The following DACT2 variants were observed in gnomAD, a reference collection of about 807,000 sequenced individuals.
The protein encoded by DACT2 is dishevelled binding antagonist of beta catenin 2, also known as dapper homolog 2.
A neutral mutation model predicts 22.2 loss-of-function variants in DACT2; 20 were observed. The ratio of observed to expected loss-of-function variants is 0.90; its 90% CI spans 0.63 to 1.31. The LOEUF is 1.31. DACT2 is among the 50% of genes most tolerant of loss of function. DACT2 has a pLI of 0.00. For missense variants in DACT2, 1,048 were observed against 1,061.4 expected (o/e 0.99, Z 0.18); for synonymous variants, 463 against 479.8 (o/e 0.96, Z 0.46).
chr6:168,308,926 G>C lies in DACT2; in HGVS notation c.831C>G (p.Ser277Arg). Residue 277 changes from serine (S) to arginine (R), a missense_variant, in exon 4 of 4, where the codon AGC (serine) becomes AGG (arginine). Physicochemically the swap from Ser to Arg is moderately radical, Grantham distance 110 (BLOSUM62 -1). Coordinates refer to ENST00000366795, the MANE Select transcript of DACT2 (RefSeq NM_214462.5). ...TCTGTAGAGCCACGGCGTGCAGGGG[G>C]CTGGGGTACGGGTACACCTCCCTGC... ...QGGREVYPYPSPLHAVALQSP... is the reference protein window; with the variant it reads ...QGGREVYPYPRPLHAVALQSP... The C allele has an allele frequency of 6.4e-7, 1 of 1,550,440 alleles. No individual in the cohort carries two copies. Among genetic ancestry groups the C allele is most frequent in the East Asian group, 2.4e-5 (1 of 40,904 alleles).
At chr6:168,304,914 C>T (rs917415875), downstream of DACT2, among the ~76,000 whole-genome samples, 6 of 152,184 alleles carry the variant, frequency 3.9e-5, 1 homozygote, top group East Asian at 3.9e-4. Flanking sequence ...TCCGAGGACC[C>T]CCATGGAATC....
At chr6:168,294,278 G>T (rs60418139) in intron 4 of DACT2, 1 of 702,092 alleles carries the variant, frequency 1.4e-6, no homozygotes, top group Admixed American at 2.0e-5. Flanking sequence ...AATGCTTGCC[G>T]TTTCACTGGG....
chr6:168,296,040 A>G (rs1779002223), intron 3 of DACT2, among the ~76,000 whole-genome samples: 1 of 150,262 alleles, frequency 6.7e-6, no homozygotes, highest in Non-Finnish European at 1.5e-5. Flanking sequence ...TCACGGAAAG[A>G]GCAGATCCAT....
rs774751440 is a variant in DACT2 at position 168,310,526 on chromosome 6, G to A, written c.380-80C>T. The A allele has an allele frequency of 4.1e-5, 61 of 1,497,048 alleles. 3 individuals are homozygous for A. In the South Asian group the frequency reaches 8.1e-4, roughly 20 times the overall value. The allele number at this position is 1,497,048 out of a possible 1,614,324, so 92.7% of individuals were successfully genotyped here. On this transcript the variant is annotated intron_variant, in intron 2 of 3. Coordinates refer to ENST00000366795, the MANE Select transcript of DACT2 (RefSeq NM_214462.5). ...CCCCTCTCCTCCTGAGCTTGTCACGGCACAGGTGGGCCCAGGGGAACCCCT... is the reference window on the plus strand; with the variant it reads ...CCCCTCTCCTCCTGAGCTTGTCACGACACAGGTGGGCCCAGGGGAACCCCT...
chr6:168,319,109 G>A (rs1296606461), intron 1 of DACT2, among the ~76,000 whole-genome samples: 1 of 152,176 alleles, frequency 6.6e-6, no homozygotes, highest in Non-Finnish European at 1.5e-5. Context: ...GCTTCGGGAT[G>A]CTGGCGTGGG....
intron 3 of DACT2, among the ~76,000 whole-genome samples, chr6:168,309,458 A>AGGGTGCGGGGCCGTTTGCGTGTAGACACG: frequency 6.6e-6 from 1 of 152,116 alleles, no homozygotes; most frequent in Admixed American, 6.5e-5. Flanking sequence ...GTGTAGACAC[A>AGGGTGCGGGGCCGTTTGCGTGTAGACACG]GGGTGCGGGG....
chr6:168,308,705 T>G lies in DACT2; in HGVS notation c.1052A>C (p.Glu351Ala), dbSNP rs6925614. 6.5e-7 allele frequency: 1 copy of G among 1,548,404 alleles called. No individual in the cohort carries two copies. The highest frequency in any genetic ancestry group is 1.4e-5 in the African/African-American group (1 of 73,100). The change falls in exon 4 of 4, where the codon GAG becomes GCG. Residue 351 changes from glutamate (E) to alanine (A), a missense_variant. Coordinates refer to ENST00000366795, the MANE Select transcript of DACT2 (RefSeq NM_214462.5). ...WGRETPAKGSEGEQGPLRHAA... is the reference protein window; with the variant it reads ...WGRETPAKGSAGEQGPLRHAA... ...ATGCCTTAGAGGTCCCTGTTCTCCC[T>G]CGCTACCCTTTGCTGGGGTCTCCCG...
Position 168,308,931 on chromosome 6 carries a change from G to A in DACT2, c.826C>T (p.Pro276Ser). 1 of 1,550,310 alleles carries A rather than the reference G, an allele frequency of 6.5e-7. No homozygotes were observed. Among genetic ancestry groups the A allele is most frequent in the Non-Finnish European group, 8.7e-7 (1 of 1,146,958 alleles). Residue 276 changes from proline (P) to serine (S), a missense_variant, in exon 4 of 4, where the codon CCC becomes TCC. Transcript: ENST00000366795. Reference sequence around the variant, plus strand: ...AGAGCCACGGCGTGCAGGGGGCTGGGGTACGGGTACACCTCCCTGCCGCCC... The same window carrying A: ...AGAGCCACGGCGTGCAGGGGGCTGGAGTACGGGTACACCTCCCTGCCGCCC... ...SQGGREVYPY[P>S]SPLHAVALQS... is the part of the protein sequence containing the mutation.
chr6:168,294,602 T>TATATATATACAC (rs768380927), intron 4 of DACT2: 1 of 811,922 alleles, frequency 1.2e-6, no homozygotes, highest in African/African-American at 2.6e-5. Context: ...TATATATATA[T>TATATATATACAC]ACACATATAA....
chr6:168,297,913 G>A (rs532250118), intron 3 of DACT2, among the ~76,000 whole-genome samples: 49 of 152,356 alleles, frequency 3.2e-4, no homozygotes, highest in African/African-American at 9.9e-4. Flanking sequence ...GGGTGGGTCC[G>A]TGTCCCAGCC....
chr6:168,299,122 A>G (rs898496679), intron 3 of DACT2: 14 of 152,180 alleles, frequency 9.2e-5, no homozygotes, highest in African/African-American at 3.4e-4. Context: ...TCCTTTAATA[A>G]ATTACTATTT....
rs1779602467 is a variant in DACT2, at chr6:168,319,713, CG to C, written c.-81del. On this transcript the variant is annotated 5_prime_UTR_variant, in exon 1 of 4. Transcript: ENST00000366795. The stretch of plus-strand genomic sequence containing the variant: ...CGCGCGCGGATCCCGAGCTGTGTCG[CG>C]GGTCCTCCTGCGCCTCCTCTCTCCG... 1.7e-6 allele frequency: 2 copies of C among 1,185,382 alleles called. No homozygotes were observed. The highest frequency in any genetic ancestry group is 4.5e-5 in the Admixed American group (1 of 22,014). 73.4% of individuals were successfully genotyped at this position (1,185,382 alleles called of 1,614,324 possible). A position where few individuals can be genotyped will look rare whatever the true frequency, so the allele number is the denominator to read the frequency against.
At chr6:168,309,240 G>A (rs1298042881) in intron 3 of DACT2, 142 bp from the exon 4 acceptor site, 58 of 1,331,020 alleles carry the variant, frequency 4.4e-5, no homozygotes, top group Non-Finnish European at 5.3e-5. Context: ...GGGAGACGGC[G>A]ACTCACAGTC....
chr6:168,308,127 C>T lies in DACT2; in HGVS notation c.1630G>A (p.Gly544Ser). 2 of 1,548,560 alleles carry T rather than the reference C, an allele frequency of 1.3e-6. No individual in the cohort carries two copies. Among genetic ancestry groups the T allele is most frequent in the Non-Finnish European group, 1.7e-6 (2 of 1,145,570 alleles). The change falls in exon 4 of 4, where the codon GGC becomes AGC. Residue 544 changes from glycine to serine, a missense_variant. Physicochemically the swap from Gly to Ser is moderately conservative, Grantham distance 56. Coordinates refer to ENST00000366795, the MANE Select transcript of DACT2 (RefSeq NM_214462.5). ...WDPAHWPTGR[G>S]GLQRRPALAW... ...AGGGCTGGCCTCCGCTGGAGCCCGC[C>T]CCTCCCTGTGGGCCAGTGGGCAGGG...
At chr6:168,311,342 G>A (rs556785310) in intron 1 of DACT2, 58 bp from the exon 2 acceptor site, 11 of 1,470,750 alleles carry the variant, frequency 7.5e-6, no homozygotes, top group African/African-American at 1.4e-5. Context: ...AAAACTTAAG[G>A]CTCAAAGGGG....
downstream of DACT2, among the ~76,000 whole-genome samples, chr6:168,303,694 AT>A (rs1294279683): frequency 6.6e-6 from 1 of 152,200 alleles, no homozygotes; most frequent in Non-Finnish European, 1.5e-5. Context: ...ACAGGCTTTA[AT>A]TATTCTACAA....
chr6:168,305,606 C>T (rs58175134), downstream of DACT2, among the ~76,000 whole-genome samples: 6,367 of 133,974 alleles, frequency 0.048, 184 homozygotes, highest in East Asian at 0.13. Context: ...GTCTTCAGCC[C>T]GGTAGCTACA....
chr6:168,311,594 A>ACACACACACACACAAACACACACACC (rs1332323296), intron 1 of DACT2, among the ~76,000 whole-genome samples: 1 of 65,564 alleles, frequency 1.5e-5, no homozygotes, highest in Non-Finnish European at 3.1e-5. Context: ...CCACACACAC[A>ACACACACACACACAAACACACACACC]CATACACACA....
chr6:168,310,111 A>G, intron 3 of DACT2, 57 bp downstream of exon 3: 1 of 1,538,338 alleles, frequency 6.5e-7, no homozygotes, highest in South Asian at 1.2e-5. Context: ...TGGGGACTGC[A>G]CTCTGCCATC....
Sources: allele counts gnomAD v4.1 joint callset (sites outside exome capture counted in the v4.1 genomes callset), GRCh38; gene constraint gnomAD v4.1.1; transcripts MANE v1.5; gene names NCBI Gene and HGNC (gene_info 2026-07-23, HGNC 2026-07-21).